The following AFF1 variants were observed in gnomAD, a reference collection of about 807,000 sequenced individuals.
The protein encoded by AFF1 is AF4/FMR2 family member 1.
AFF1 carries 48 observed loss-of-function variants against 121.7 expected under a neutral mutation model. The observed-to-expected ratio is 0.39, with a 90% CI of 0.31 to 0.50. The LOEUF is 0.50. AFF1 is among the 20% of genes least tolerant of loss of function. AFF1 has a pLI of 0.76. For missense variants in AFF1, 1,523 were observed against 1,511.7 expected (o/e 1.01, Z -0.12); for synonymous variants, 613 against 563.0 (o/e 1.09, Z -1.26).
chr4:87,060,835 CAAAAAAA>C (rs749186199), intron 4 of AFF1, among the ~76,000 whole-genome samples: 15 of 62,288 alleles, frequency 2.4e-4, no homozygotes, highest in Non-Finnish European at 2.6e-4. Flanking sequence ...GACTCTGTCT[CAAAAAAA>C]AAAAAAAAAA....
intron 8 of AFF1, among the ~76,000 whole-genome samples, chr4:87,103,206 T>A (rs1725600157): frequency 6.6e-6 from 1 of 152,208 alleles, no homozygotes; most frequent in African/African-American, 2.4e-5. Context: ...CATTTTCTCC[T>A]CCAATAATAG....
chr4:86,979,134 G>T (rs113985017), intron 2 of AFF1, among the ~76,000 whole-genome samples: 24 of 152,234 alleles, frequency 1.6e-4, no homozygotes, highest in African/African-American at 5.8e-4. Context: ...ATCTTGCTCT[G>T]TCGCCCAGGC....
intron 11 of AFF1, among the ~76,000 whole-genome samples, chr4:87,110,793 A>AT (rs1326816926): frequency 6.6e-6 from 1 of 152,154 alleles, no homozygotes; most frequent in Non-Finnish European, 1.5e-5. Flanking sequence ...AAAACACCTA[A>AT]TAAAAAATAA....
intron 1 of AFF1, among the ~76,000 whole-genome samples, chr4:86,937,862 T>G (rs548272498): frequency 6.6e-6 from 1 of 152,216 alleles, no homozygotes; most frequent in Non-Finnish European, 1.5e-5. Flanking sequence ...CACTTTTGCC[T>G]CCTCAAGTGC....
intron 4 of AFF1, among the ~76,000 whole-genome samples, chr4:87,062,909 T>C (rs1720926064): frequency 6.6e-6 from 1 of 152,174 alleles, no homozygotes; most frequent in Non-Finnish European, 1.5e-5. Context: ...ATGAGGCTTT[T>C]AGGCATTATA....
At chr4:87,079,021 T>C (rs898656223) in intron 4 of AFF1, among the ~76,000 whole-genome samples, 1 of 152,152 alleles carries the variant, frequency 6.6e-6, no homozygotes, top group Admixed American at 6.5e-5. Context: ...CTTCTCACAA[T>C]GAGGAAATAG....
At chr4:87,089,591 A>G (rs1340681697) in intron 5 of AFF1, among the ~76,000 whole-genome samples, 57 of 152,336 alleles carry the variant, frequency 3.7e-4, no homozygotes, top group Non-Finnish European at 2.8e-4. Context: ...GAAATGCAGT[A>G]AAGAAGCTGA....
intron 2 of AFF1, among the ~76,000 whole-genome samples, chr4:86,969,748 C>T (rs554927570): frequency 2.5e-4 from 38 of 151,312 alleles, no homozygotes; most frequent in Admixed American, 2.3e-3. Context: ...GGCGCCGGGG[C>T]GGGTGCCTAT....
chr4:86,993,820 TG>T (rs1366035961), intron 2 of AFF1, among the ~76,000 whole-genome samples: 1 of 152,006 alleles, frequency 6.6e-6, no homozygotes, highest in Non-Finnish European at 1.5e-5. Flanking sequence ...AAAAATTAGC[TG>T]GGCATGGTAA....
chr4:87,134,024 A>G (rs1729083820), intron 19 of AFF1, among the ~76,000 whole-genome samples: 1 of 152,250 alleles, frequency 6.6e-6, no homozygotes, highest in Non-Finnish European at 1.5e-5. Flanking sequence ...TAAACAGTAG[A>G]TAAATGTAAG....
intron 4 of AFF1, among the ~76,000 whole-genome samples, chr4:87,082,282 A>G (rs1315683869): frequency 6.6e-6 from 1 of 152,216 alleles, no homozygotes; most frequent in Non-Finnish European, 1.5e-5. Context: ...ACCCTCATGT[A>G]AAAACAGCAT....
intron 2 of AFF1, among the ~76,000 whole-genome samples, chr4:87,015,983 G>C (rs1217433582): frequency 6.6e-6 from 1 of 152,148 alleles, no homozygotes; most frequent in Non-Finnish European, 1.5e-5. Flanking sequence ...GAGTTTGAGA[G>C]CAGCCTGGTC....
rs1241170450 is a variant in AFF1 at position 87,133,304 on chromosome 4, G to A, written c.3311+896G>A. The stretch of plus-strand genomic sequence containing the variant: ...TGGAATTTTCTTCCCTGTAGTCCTT[G>A]CCTAGTATTTTTTAATTTGGTCATA... On this transcript the variant is annotated intron_variant, in intron 19 of 20. Coordinates refer to ENST00000395146, the MANE Select transcript of AFF1 (RefSeq NM_001166693.3). Among the ~76,000 whole-genome samples, 3 of 152,110 alleles carry A rather than the reference G, an allele frequency of 2.0e-5. No homozygotes were observed. The South Asian group carries it at 6.2e-4, about 31-fold the overall frequency.
intron 1 of AFF1, among the ~76,000 whole-genome samples, chr4:86,940,029 T>G (rs1485351941): frequency 6.6e-6 from 1 of 152,208 alleles, no homozygotes; most frequent in African/African-American, 2.4e-5. Flanking sequence ...TCAAGAACTA[T>G]GAAGGCTGAG....
chr4:87,088,951 G>A (rs145829490), intron 5 of AFF1, among the ~76,000 whole-genome samples: 2 of 152,148 alleles, frequency 1.3e-5, no homozygotes, highest in East Asian at 1.9e-4. Flanking sequence ...TTCCATGTTG[G>A]TCAGGCTGGT....
At chr4:87,123,039 A>G (rs1008345706) in intron 12 of AFF1, among the ~76,000 whole-genome samples, 4 of 151,974 alleles carry the variant, frequency 2.6e-5, no homozygotes, top group African/African-American at 9.7e-5. Context: ...GACTACAGGC[A>G]CGCACCACCA....
At chr4:87,103,872 A>G (rs1272843472) in intron 8 of AFF1, among the ~76,000 whole-genome samples, 2 of 152,224 alleles carry the variant, frequency 1.3e-5, no homozygotes, top group Non-Finnish European at 2.9e-5. Flanking sequence ...TAACTAAGAA[A>G]GAGGTCAGTT....
At position 87,066,427 on chromosome 4, in the gene AFF1, A is replaced by G. The variant is rs1268299491; in HGVS notation, c.1060-17693A>G. Reference sequence around the variant, plus strand: ...TAGACCGCCCCCCATCCCTATAAATATTTAACAATTAGCTGAGCATAATGG... The same window carrying G: ...TAGACCGCCCCCCATCCCTATAAATGTTTAACAATTAGCTGAGCATAATGG... On this transcript the variant is annotated intron_variant, in intron 4 of 20. Transcript: ENST00000395146. Among the ~76,000 whole-genome samples, 7 of 152,024 alleles carry G rather than the reference A, an allele frequency of 4.6e-5. No homozygotes were observed. The East Asian group carries it at 1.4e-3, about 29-fold the overall frequency.
At chr4:87,029,350 G>A (rs1453189123) in intron 2 of AFF1, among the ~76,000 whole-genome samples, 1 of 152,194 alleles carries the variant, frequency 6.6e-6, no homozygotes, top group Admixed American at 6.5e-5. Flanking sequence ...TCCATTTGAA[G>A]ACAGAGGTTT....
Sources: gnomAD v4.1 joint callset for allele counts (sites outside exome capture counted in the v4.1 genomes callset) on GRCh38, gnomAD v4.1.1 for gene constraint, MANE v1.5 for transcripts, NCBI Gene and HGNC (gene_info 2026-07-23, HGNC 2026-07-21) for gene names.